The following ACTN2 variants were observed in gnomAD, a reference collection of about 807,000 sequenced individuals.
ACTN2 encodes the protein alpha-actinin-2.
ACTN2 carries 39 observed loss-of-function variants against 113.8 expected under a neutral mutation model. The observed-to-expected ratio is 0.34, with a 90% CI of 0.27 to 0.45. ACTN2 has a LOEUF of 0.45. ACTN2 is among the 20% of genes least tolerant of loss of function. The pLI is 1.00. For missense variants in ACTN2, 992 were observed against 1,177.9 expected, an observed-to-expected ratio of 0.84 and a Z score of 2.31; for synonymous variants, 429 against 444.1, an observed-to-expected ratio of 0.97 and a Z score of 0.43.
intron 12 of ACTN2, among the ~76,000 whole-genome samples, chr1:236,746,564 G>A (rs932347948): frequency 6.6e-6 from 1 of 151,992 alleles, no homozygotes; most frequent in Non-Finnish European, 1.5e-5. Flanking sequence ...AAAAGAGCCG[G>A]GTGTAGTGGC....
intron 18 of ACTN2, 32 bp from the exon 19 acceptor site, chr1:236,759,692 T>C: frequency 1.2e-6 from 2 of 1,603,312 alleles, no homozygotes; most frequent in Non-Finnish European, 1.7e-6. Flanking sequence ...TGCCCTGTGC[T>C]CACCTGCTCT....
At chr1:236,742,471 G>A (rs1313016775) in intron 10 of ACTN2, among the ~76,000 whole-genome samples, 2 of 152,276 alleles carry the variant, frequency 1.3e-5, no homozygotes, top group Non-Finnish European at 2.9e-5. Context: ...AGGGGAGGCC[G>A]AGGTGGGAGG....
intron 1 of ACTN2, among the ~76,000 whole-genome samples, chr1:236,693,943 G>C (rs967475064): frequency 6.6e-6 from 1 of 152,132 alleles, no homozygotes; most frequent in Non-Finnish European, 1.5e-5. Context: ...CACCACCCCA[G>C]TATCCCTGCT....
rs369230995 is a variant in ACTN2 at position 236,718,023 on chromosome 1, G to A, written c.241+51G>A. The A allele has an allele frequency of 7.8e-6, 11 of 1,409,752 alleles. No individual in the cohort carries two copies. In the East Asian group the frequency reaches 9.3e-5, roughly 12 times the overall value. 87.3% of individuals were successfully genotyped at this position (1,409,752 alleles called of 1,614,324 possible). On this transcript the variant is annotated intron_variant, in intron 2 of 20. Transcript: ENST00000366578. The stretch of plus-strand genomic sequence containing the variant: ...GCTTTCATGTGTTATCAGTAGGTGA[G>A]CATCTATTTAAAGATGACTACATCA...
At chr1:236,745,854 A>G (rs745599054) in intron 12 of ACTN2, among the ~76,000 whole-genome samples, 2 of 152,174 alleles carry the variant, frequency 1.3e-5, no homozygotes, top group Non-Finnish European at 1.5e-5. Flanking sequence ...TTATTTCAAT[A>G]TATTACGTTT....
chr1:236,707,709 C>CTTTTTTTTTTTTTTTTTTTTTTT (rs5781919), intron 1 of ACTN2, among the ~76,000 whole-genome samples: 4 of 78,758 alleles, frequency 5.1e-5, no homozygotes, highest in Admixed American at 1.7e-4. Context: ...TCTTTTTTTT[C>CTTTTTTTTTTTTTTTTTTTTTTT]TTTTTTTTTT....
intron 1 of ACTN2, among the ~76,000 whole-genome samples, chr1:236,690,618 T>C (rs2102856532): frequency 6.6e-6 from 1 of 152,346 alleles, no homozygotes; most frequent in South Asian, 2.1e-4. Flanking sequence ...CATTGTAAAG[T>C]GATCTGTAAA....
rs919936750 is a variant in ACTN2, at chr1:236,734,317, A to T, written c.698-1318A>T. The T allele has an allele frequency of 6.2e-6, 4 of 650,290 alleles. No homozygotes were observed. In the Admixed American group the frequency reaches 1.2e-4, roughly 19 times the overall value. The allele number at this position is 650,290 out of a possible 1,614,324, so 40.3% of individuals were successfully genotyped here. On this transcript the variant is annotated intron_variant, in intron 7 of 20. Transcript: ENST00000366578. ...ATTTGAGCCAAAATGTTAGGAACAT[A>T]AGTGTATGGGGGCGAAGGGGGAGGA...
chr1:236,763,133 T>A lies in ACTN2; in HGVS notation c.*514T>A. 6.0e-6 allele frequency: 1 copy of A among 168,002 alleles called. No homozygotes were observed. The highest frequency in any genetic ancestry group is 5.7e-5 in the Admixed American group (1 of 17,562). 10.4% of individuals were successfully genotyped at this position (168,002 alleles called of 1,614,324 possible). On this transcript the variant is annotated 3_prime_UTR_variant, in exon 21 of 21. Transcript: ENST00000366578. ...TGCTTATCCAAAGATTACTATTGTA[T>A]CTTCAAATGAATTTAATATTGTGAG...
intron 1 of ACTN2, among the ~76,000 whole-genome samples, chr1:236,715,246 T>C (rs985111511): frequency 1.2e-4 from 18 of 151,736 alleles, no homozygotes; most frequent in Admixed American, 5.9e-4. Flanking sequence ...CATGTTGGTG[T>C]GCTGCACCTA....
Position 236,762,708 on chromosome 1 carries a change from T to A in ACTN2, c.*89T>A. On this transcript the variant is annotated 3_prime_UTR_variant, in exon 21 of 21. Transcript: ENST00000366578. ...TCCTGGAAACTTTGACAAGCTTTATTAAGTTGAGAGAGAGAGAGGGGAAAA... is the reference window on the plus strand; with the variant it reads ...TCCTGGAAACTTTGACAAGCTTTATAAAGTTGAGAGAGAGAGAGGGGAAAA... 1 of 1,498,624 alleles carries A rather than the reference T, an allele frequency of 6.7e-7. No homozygotes were observed. Among genetic ancestry groups the A allele is most frequent in the Non-Finnish European group, 9.1e-7 (1 of 1,101,098 alleles). The allele number at this position is 1,498,624 out of a possible 1,614,324, so 92.8% of individuals were successfully genotyped here. A position where few individuals can be genotyped will look rare whatever the true frequency, so the allele number is the denominator to read the frequency against.
At chr1:236,706,143 C>A (rs977756008) in intron 1 of ACTN2, among the ~76,000 whole-genome samples, 1 of 149,502 alleles carries the variant, frequency 6.7e-6, no homozygotes, top group Non-Finnish European at 1.5e-5. Context: ...ATTATAGAAT[C>A]TTTCTTAACA....
At chr1:236,761,868 CAG>C (rs1466506990) in intron 20 of ACTN2, among the ~76,000 whole-genome samples, 15 of 152,074 alleles carry the variant, frequency 9.9e-5, no homozygotes. Context: ...CCTTAAAAAT[CAG>C]ATAAGACCAA....
Position 236,737,318 on chromosome 1 carries a change from T to TA in ACTN2, c.876+104_876+105insA, listed in dbSNP as rs1465770912. 21 of 296,492 alleles carry TA rather than the reference T, an allele frequency of 7.1e-5. 2 individuals are homozygous for TA. The highest frequency in any genetic ancestry group is 1.2e-4 in the East Asian group (2 of 16,710). 18.4% of individuals were successfully genotyped at this position (296,492 alleles called of 1,614,324 possible). A position where few individuals can be genotyped will look rare whatever the true frequency, so the allele number is the denominator to read the frequency against. ...GGGGGCATATATATATATATATATA[T>TA]TTTGCATTTTTCATCTCAGATAGGA... On this transcript the variant is annotated intron_variant, in intron 9 of 20. Coordinates refer to ENST00000366578, the MANE Select transcript of ACTN2 (RefSeq NM_001103.4).
chr1:236,731,559 A>G (rs1395343353), intron 7 of ACTN2, among the ~76,000 whole-genome samples: 3 of 152,268 alleles, frequency 2.0e-5, no homozygotes, highest in South Asian at 4.1e-4. Flanking sequence ...AGGATTTGGT[A>G]AAAAGTTCAG....
At chr1:236,720,289 A>G (rs1658345084) in intron 4 of ACTN2, 98 bp downstream of exon 4, 5 of 963,126 alleles carry the variant, frequency 5.2e-6, no homozygotes, top group Non-Finnish European at 8.4e-6. Flanking sequence ...AGTCACTTAC[A>G]TGATTGAATG....
In ACTN2 at chr1:236,761,068, C is replaced by T. The variant is rs762833535; in HGVS notation, c.2421C>T (p.Gly807=). Residue 807 remains glycine (G), a synonymous_variant, in exon 20 of 21, where the codon GGC becomes GGT. Transcript: ENST00000366578. ...CCCTGGTAGATCCCAACGGGCAAGG[C>T]ACCGTCACCTTCCAATCCTTCATCG... ...IMTLVDPNGQ[G]TVTFQSFIDF... is the part of the protein sequence containing the mutation. The T allele has an allele frequency of 1.2e-6, 2 of 1,614,190 alleles. No homozygotes were observed. The highest frequency in any genetic ancestry group is 1.7e-6 in the Non-Finnish European group (2 of 1,180,030).
chr1:236,725,817 A>G, intron 4 of ACTN2, 116 bp from the exon 5 acceptor site: 1 of 880,212 alleles, frequency 1.1e-6, no homozygotes, highest in East Asian at 2.4e-5. Flanking sequence ...CCGAGGCTGT[A>G]GGAAGAGACC....
At position 236,744,731 on chromosome 1, in the gene ACTN2, A is replaced by G; in HGVS notation, c.1361A>G (p.His454Arg). The stretch of plus-strand genomic sequence containing the variant: ...GCGTTCGAGAGCGACCTGGCAGCGC[A>G]CCAGGACCGCGTGGAGCAGATCGCA... ...HEAFESDLAA[H>R]QDRVEQIAAI... Residue 454 changes from histidine (H) to arginine (R), a missense_variant, in exon 12 of 21, where the codon CAC (histidine) becomes CGC (arginine). Coordinates refer to ENST00000366578, the MANE Select transcript of ACTN2 (RefSeq NM_001103.4). 2.5e-6 allele frequency: 4 copies of G among 1,614,186 alleles called. No homozygotes were observed. Among genetic ancestry groups the G allele is most frequent in the Non-Finnish European group, 1.7e-6 (2 of 1,180,044 alleles).
Sources: allele counts gnomAD v4.1 joint callset (sites outside exome capture counted in the v4.1 genomes callset), GRCh38; gene constraint gnomAD v4.1.1; transcripts MANE v1.5; gene names NCBI Gene and HGNC (gene_info 2026-07-23, HGNC 2026-07-21).